The following RYR2 variants were observed in gnomAD, a reference collection of about 807,000 sequenced individuals.
The protein encoded by RYR2 is ryanodine receptor 2.
Under a neutral mutation model 601.1 loss-of-function variants are expected in RYR2, and 227 were observed. That is an observed-to-expected ratio of 0.38 (90% CI 0.34 to 0.42). The LOEUF is 0.42. Among genes scored for constraint, RYR2 ranks in the 10% least tolerant of loss-of-function variants. RYR2 has a pLI of 1.00. For synonymous variants in RYR2, 2,223 were observed against 2,175.1 expected, an observed-to-expected ratio of 1.02 and a Z score of -0.61; for missense variants, 4,646 against 6,156.5, an observed-to-expected ratio of 0.75 and a Z score of 8.21.
At chr1:237,061,281 A>G (rs1379112868) in intron 1 of RYR2, among the ~76,000 whole-genome samples, 3 of 13,184 alleles carry the variant, frequency 2.3e-4, no homozygotes, top group Non-Finnish European at 5.9e-4. Flanking sequence ...TCTATCATCT[A>G]TCTATCTATC....
intron 25 of RYR2, among the ~76,000 whole-genome samples, chr1:237,542,172 C>T (rs564543354): frequency 1.1e-3 from 166 of 152,190 alleles, no homozygotes; most frequent in Non-Finnish European, 1.8e-3. Context: ...CGGCTCACCG[C>T]AAGCTCCGCC....
At chr1:237,448,327 C>G (rs1657644007) in intron 14 of RYR2, among the ~76,000 whole-genome samples, 1 of 152,092 alleles carries the variant, frequency 6.6e-6, no homozygotes, top group South Asian at 2.1e-4. Flanking sequence ...TTTTCTGTTA[C>G]TAATTTCTAA....
intron 47 of RYR2, among the ~76,000 whole-genome samples, chr1:237,641,468 TCTG>T (rs1681478327): frequency 5.3e-4 from 10 of 18,710 alleles, no homozygotes; most frequent in South Asian, 2.6e-3. Flanking sequence ...TTAGTGTCTG[TCTG>T]TCTTTCTTTC....
chr1:237,797,331 C>CTAAT (rs2149401920), intron 96 of RYR2, among the ~76,000 whole-genome samples: 1 of 152,080 alleles, frequency 6.6e-6, no homozygotes, highest in East Asian at 1.9e-4. Context: ...ATACTAGATG[C>CTAAT]TAATTAAAAT....
chr1:237,670,337 G>T (rs1339353205), intron 58 of RYR2, among the ~76,000 whole-genome samples: 1 of 131,176 alleles, frequency 7.6e-6, no homozygotes, highest in Non-Finnish European at 1.6e-5. Flanking sequence ...GGGAGAGGGA[G>T]ACGGGAGAGG....
chr1:237,431,138 A>C (rs16835242), intron 12 of RYR2, among the ~76,000 whole-genome samples: 4,141 of 152,304 alleles, frequency 0.027, 176 homozygotes, highest in African/African-American at 0.089. Flanking sequence ...CATATGATGA[A>C]GTGGTTGAAG....
intron 84 of RYR2, among the ~76,000 whole-genome samples, chr1:237,764,693 C>T (rs893829488): frequency 6.6e-6 from 1 of 151,910 alleles, no homozygotes; most frequent in Admixed American, 6.6e-5. Context: ...GTGACCCACC[C>T]ACCTCGGCCT....
intron 62 of RYR2, among the ~76,000 whole-genome samples, chr1:237,683,166 G>C (rs775609038): frequency 6.6e-6 from 1 of 152,174 alleles, no homozygotes; most frequent in Non-Finnish European, 1.5e-5. Context: ...GAATAAATAA[G>C]CATGTCTTCA....
intron 48 of RYR2, among the ~76,000 whole-genome samples, chr1:237,647,285 G>C (rs1037185099): frequency 6.6e-6 from 1 of 152,204 alleles, no homozygotes; most frequent in African/African-American, 2.4e-5. Flanking sequence ...GCTAGTTTTC[G>C]TCATTCATTG....
chr1:237,643,467 G>T lies in RYR2; in HGVS notation c.7342+20G>T, dbSNP rs768388544. 1 of 1,613,608 alleles carries T rather than the reference G, an allele frequency of 6.2e-7. No individual in the cohort carries two copies. Among genetic ancestry groups the T allele is most frequent in the East Asian group, 2.2e-5 (1 of 44,856 alleles). On this transcript the variant is annotated intron_variant, in intron 48 of 104. Coordinates refer to ENST00000366574, the MANE Select transcript of RYR2 (RefSeq NM_001035.3). ...CCAAAGGTAAGGCCAACTTCAATTT[G>T]TCCTAATTCAGTAGGATGTTGGATG...
intron 35 of RYR2, among the ~76,000 whole-genome samples, chr1:237,602,356 C>G (rs577043180): frequency 1.3e-5 from 2 of 151,636 alleles, no homozygotes; most frequent in Non-Finnish European, 2.9e-5. Context: ...AAAAAAATGC[C>G]GAGATTACAC....
At chr1:237,213,919 T>C (rs932704540) in intron 1 of RYR2, among the ~76,000 whole-genome samples, 7 of 136,406 alleles carry the variant, frequency 5.1e-5, no homozygotes, top group Admixed American at 7.3e-5. Flanking sequence ...CTTTTTCTTT[T>C]TTTTTTTTTT....
intron 81 of RYR2, 58 bp from the exon 82 acceptor site, chr1:237,757,639 A>C: frequency 9.2e-7 from 1 of 1,083,394 alleles, no homozygotes; most frequent in Non-Finnish European, 1.4e-6. Context: ...TGGAGGTAGA[A>C]TAGGTTAATA....
intron 24 of RYR2, 61 bp from the exon 25 acceptor site, chr1:237,530,366 C>A: frequency 7.9e-7 from 1 of 1,268,506 alleles, no homozygotes; most frequent in African/African-American, 1.5e-5. Context: ...CTGCTGCTGT[C>A]TTGGGTTATT....
chr1:237,254,705 C>T (rs1358429647), intron 1 of RYR2, among the ~76,000 whole-genome samples: 1 of 152,144 alleles, frequency 6.6e-6, no homozygotes, highest in Non-Finnish European at 1.5e-5. Context: ...ACACATGGGT[C>T]TCATCTGCTC....
intron 42 of RYR2, 94 bp downstream of exon 42, chr1:237,631,635 T>G (rs1680275534): frequency 1.9e-6 from 1 of 525,452 alleles, no homozygotes; most frequent in Non-Finnish European, 2.8e-6. Context: ...TTTTTTTTTT[T>G]TTTTTTTTTT....
At chr1:237,100,270 C>T (rs552273136) in intron 1 of RYR2, among the ~76,000 whole-genome samples, 3 of 152,308 alleles carry the variant, frequency 2.0e-5, no homozygotes, top group Admixed American at 6.5e-5. Flanking sequence ...TACTAAGTCC[C>T]TCCTGCACAT....
At chr1:237,687,314 G>C in intron 62 of RYR2, 141 bp from the exon 63 acceptor site, 1 of 600,278 alleles carries the variant, frequency 1.7e-6, no homozygotes, top group Non-Finnish European at 2.9e-6. Context: ...GTGACATCAT[G>C]TTGCTTTTTT....
rs549288034 is a variant in RYR2, at chr1:237,549,566, C to T, written c.3066+976C>T. ...CAAAAACAACAAAACAACAACAACA[C>T]AGTATTTACAGTATTTATTCTCTGG... On this transcript the variant is annotated intron_variant, in intron 26 of 104. Transcript: ENST00000366574. 6.7e-5 allele frequency among the ~76,000 whole-genome samples: 10 copies of T among 149,722 alleles called. No homozygotes were observed. The South Asian group carries it at 2.1e-3, about 32-fold the overall frequency.
Sources: allele counts gnomAD v4.1 joint callset (sites outside exome capture counted in the v4.1 genomes callset), GRCh38; gene constraint gnomAD v4.1.1; transcripts MANE v1.5; gene names NCBI Gene and HGNC (gene_info 2026-07-23, HGNC 2026-07-21).